Variants in ATP10B observed in about 807,000 individuals in gnomAD.
ATP10B encodes phospholipid-transporting ATPase VB.
ATP10B carries 122 observed loss-of-function variants against 141.2 expected under a neutral mutation model. The ratio of observed to expected loss-of-function variants is 0.86; its 90% confidence interval spans 0.75 to 1.00. The LOEUF is 1.00. Ranked by LOEUF, ATP10B falls within the 50% of genes least tolerant of loss-of-function variation. The pLI is 0.00. For missense variants in ATP10B, 1,876 were observed against 1,825.3 expected, an observed-to-expected ratio of 1.03 and a Z score of -0.51; for synonymous variants, 685 against 692.0, an observed-to-expected ratio of 0.99 and a Z score of 0.16.
chr5:160,889,634 A>T, the ATP10B span, among the ~76,000 whole-genome samples: 1 of 152,210 alleles, frequency 6.6e-6, no homozygotes, highest in South Asian at 2.1e-4. Context: ...TATCCCGTGG[A>T]GCTTACATAG....
rs73818113 is a variant in ATP10B, at chr5:160,644,268, G to C, written c.762-24C>G. ...CCCTGGGGATGATGAATAAAAGACAGGGGGTGGTTTGGTGGCCTTTCCTTG... is the reference window on the plus strand; with the variant it reads ...CCCTGGGGATGATGAATAAAAGACACGGGGTGGTTTGGTGGCCTTTCCTTG... On this transcript the variant is annotated intron_variant, in intron 8 of 25. Transcript: ENST00000327245. 4.1e-3 allele frequency: 6,553 copies of C among 1,590,642 alleles called. 223 individuals carry two copies. The African/African-American group carries it at 0.076, about 18-fold the overall frequency.
intron 1 of ATP10B, among the ~76,000 whole-genome samples, chr5:160,829,661 G>A (rs1001347214): frequency 6.6e-6 from 1 of 151,876 alleles, no homozygotes; most frequent in Non-Finnish European, 1.5e-5. Context: ...TTTCCTTTTA[G>A]CAATCTTTCA....
intron 2 of ATP10B, among the ~76,000 whole-genome samples, chr5:160,754,500 A>G (rs1356099486): frequency 6.6e-6 from 1 of 152,240 alleles, no homozygotes; most frequent in Non-Finnish European, 1.5e-5. Context: ...TGGAAATGAA[A>G]GATGTGCTCA....
At chr5:160,787,957 C>T (rs1475598278) in intron 1 of ATP10B, among the ~76,000 whole-genome samples, 4 of 152,164 alleles carry the variant, frequency 2.6e-5, no homozygotes, top group Non-Finnish European at 5.9e-5. Context: ...CTTGTTGGAA[C>T]TGTCTAGCAA....
chr5:160,805,613 G>C (rs1295367076), intron 1 of ATP10B, among the ~76,000 whole-genome samples: 1 of 152,054 alleles, frequency 6.6e-6, no homozygotes, highest in Non-Finnish European at 1.5e-5. Flanking sequence ...CCAGAAACCT[G>C]TCTCGCCGCC....
chr5:160,689,809 A>G (rs1033923013), intron 3 of ATP10B, among the ~76,000 whole-genome samples: 1 of 152,150 alleles, frequency 6.6e-6, no homozygotes, highest in African/African-American at 2.4e-5. Flanking sequence ...TCAATGCTAT[A>G]CCCATCAAGC....
intron 10 of ATP10B, 103 bp downstream of exon 10, chr5:160,640,358 G>C: frequency 5.2e-6 from 7 of 1,350,004 alleles, no homozygotes; most frequent in Non-Finnish European, 7.1e-6. Flanking sequence ...GGGCAGGGTA[G>C]GCTTTACATT....
intron 2 of ATP10B, among the ~76,000 whole-genome samples, chr5:160,744,772 A>T (rs1767691620): frequency 6.6e-6 from 1 of 152,216 alleles, no homozygotes; most frequent in Non-Finnish European, 1.5e-5. Flanking sequence ...ATTGAGACAG[A>T]CAATTTACAT....
chr5:160,919,740 C>A, the ATP10B span, among the ~76,000 whole-genome samples: 1 of 152,154 alleles, frequency 6.6e-6, no homozygotes, highest in African/African-American at 2.4e-5. Flanking sequence ...TCTACCCATG[C>A]AGAAATCCCA....
intron 3 of ATP10B, among the ~76,000 whole-genome samples, chr5:160,698,369 G>C (rs974207000): frequency 1.3e-5 from 2 of 151,940 alleles, no homozygotes; most frequent in Non-Finnish European, 2.9e-5. Context: ...TCCTGGCCAA[G>C]CCACTATTTT....
intron 7 of ATP10B, among the ~76,000 whole-genome samples, chr5:160,670,214 C>T (rs1160108264): frequency 1.3e-5 from 2 of 152,080 alleles, no homozygotes; most frequent in Admixed American, 6.6e-5. Flanking sequence ...GAGTGGATCC[C>T]CATTTAGAAA....
At chr5:160,575,266 G>C (rs1305418766) in intron 24 of ATP10B, among the ~76,000 whole-genome samples, 1 of 151,680 alleles carries the variant, frequency 6.6e-6, no homozygotes, top group Non-Finnish European at 1.5e-5. Context: ...CTAATGGTGT[G>C]TTTTTTTTCC....
Position 160,602,660 on chromosome 5 carries a change from G to A in ATP10B, c.3280C>T (p.Leu1094Phe), listed in dbSNP as rs1581184563. 6.2e-7 allele frequency: 1 copy of A among 1,614,096 alleles called. No homozygotes were observed. Among genetic ancestry groups the A allele is most frequent in the Non-Finnish European group, 8.5e-7 (1 of 1,179,950 alleles). ...SDFAITRFKHLKKLLLVHGHW... is the reference protein window; with the variant it reads ...SDFAITRFKHFKKLLLVHGHW... ...CCATGCACGAGCAGCAACTTCTTGA[G>A]ATGCTTAAAGCGGGTGATGGCAAAG... The change falls in exon 21 of 26, where the codon CTC (leucine) becomes TTC (phenylalanine). Residue 1094 changes from leucine (L) to phenylalanine (F), a missense_variant. Coordinates refer to ENST00000327245, the MANE Select transcript of ATP10B (RefSeq NM_025153.3).
At chr5:160,619,179 G>A (rs1055568228) in intron 15 of ATP10B, among the ~76,000 whole-genome samples, 47 of 152,074 alleles carry the variant, frequency 3.1e-4, no homozygotes, top group African/African-American at 1.1e-3. Flanking sequence ...TCTTTTACTT[G>A]TAAGCCTTGG....
At chr5:160,917,112 T>C in the ATP10B span, among the ~76,000 whole-genome samples, 3 of 152,016 alleles carry the variant, frequency 2.0e-5, no homozygotes, top group African/African-American at 7.3e-5. Flanking sequence ...ACCTTATACC[T>C]CCAGAGAACA....
intron 1 of ATP10B, among the ~76,000 whole-genome samples, chr5:160,817,310 A>G: frequency 6.6e-6 from 1 of 152,216 alleles, no homozygotes; most frequent in Non-Finnish European, 1.5e-5. Context: ...CAGTCTCAGG[A>G]TACAAAATTG....
At chr5:160,610,524 T>C (rs1757663045) in intron 18 of ATP10B, among the ~76,000 whole-genome samples, 1 of 152,208 alleles carries the variant, frequency 6.6e-6, no homozygotes, top group Admixed American at 6.5e-5. Context: ...AATAAATGTC[T>C]GTTGTTTCAG....
At chr5:160,715,727 T>TA (rs1561782593) in intron 3 of ATP10B, among the ~76,000 whole-genome samples, 9 of 151,800 alleles carry the variant, frequency 5.9e-5, no homozygotes, top group Non-Finnish European at 1.3e-4. Context: ...TTTATTTATT[T>TA]TTGAGACAGT....
chr5:160,582,884 G>A (rs924169055), intron 24 of ATP10B, among the ~76,000 whole-genome samples: 5 of 151,974 alleles, frequency 3.3e-5, no homozygotes, highest in Non-Finnish European at 7.4e-5. Context: ...ATTGATACTT[G>A]TGTATGCTTC....
Sources: gnomAD v4.1 joint callset for allele counts (sites outside exome capture counted in the v4.1 genomes callset) on GRCh38, gnomAD v4.1.1 for gene constraint, MANE v1.5 for transcripts, NCBI Gene and HGNC (gene_info 2026-07-23, HGNC 2026-07-21) for gene names.